ANO1: variants seen among roughly 807,000 people sequenced by gnomAD.
ANO1 encodes anoctamin 1.
Under a neutral mutation model 124.0 loss-of-function variants are expected in ANO1, and 59 were observed. The ratio of observed to expected loss-of-function variants is 0.48; its 90% confidence interval spans 0.39 to 0.59. The LOEUF is 0.59. Among genes scored for constraint, ANO1 ranks in the 20% least tolerant of loss-of-function variants. The pLI, the probability that ANO1 is intolerant of heterozygous loss-of-function variation, is 0.00. For synonymous variants in ANO1, 529 were observed against 532.0 expected (o/e 0.99, Z 0.08); for missense variants, 1,059 against 1,328.0 (o/e 0.80, Z 3.15).
intron 1 of ANO1, among the ~76,000 whole-genome samples, chr11:70,036,638 C>T (rs558987599): frequency 5.3e-5 from 8 of 152,268 alleles, no homozygotes; most frequent in African/African-American, 1.7e-4. Context: ...GACAGAGTCT[C>T]GCTTTGTCGC....
intron 21 of ANO1, among the ~76,000 whole-genome samples, chr11:70,170,664 G>T (rs1353850125): frequency 6.6e-6 from 1 of 152,172 alleles, no homozygotes; most frequent in African/African-American, 2.4e-5. Flanking sequence ...GCAAAATTTG[G>T]AATTCTGCCT....
chr11:70,175,944 A>AGATTTATT (rs902598879), intron 22 of ANO1, among the ~76,000 whole-genome samples: 1 of 152,170 alleles, frequency 6.6e-6, no homozygotes, highest in African/African-American at 2.4e-5. Context: ...ATATTTGAAG[A>AGATTTATT]GATTTATTCT....
intron 1 of ANO1, among the ~76,000 whole-genome samples, chr11:70,025,719 A>ATG: frequency 7.8e-6 from 1 of 128,590 alleles, no homozygotes; most frequent in South Asian, 2.8e-4. Flanking sequence ...GGTGATGATG[A>ATG]TGGTGGTGGT....
intron 10 of ANO1, among the ~76,000 whole-genome samples, chr11:70,128,905 C>T (rs1262199737): frequency 1.3e-5 from 2 of 152,220 alleles, no homozygotes; most frequent in Non-Finnish European, 2.9e-5. Context: ...CATGGGCAGG[C>T]CGTTGGTGTA....
At position 70,105,660 on chromosome 11, in the gene ANO1, C is replaced by G. The variant is rs559580518; in HGVS notation, c.693-74C>G. The G allele has an allele frequency of 2.8e-6, 4 of 1,430,440 alleles. No individual in the cohort carries two copies. In the South Asian group the frequency reaches 4.6e-5, roughly 16 times the overall value. The allele number at this position is 1,430,440 out of a possible 1,614,324, so 88.6% of individuals were successfully genotyped here. On this transcript the variant is annotated intron_variant, in intron 4 of 25. Transcript: ENST00000355303. ...ACGGCTAATGGGGACAGTGTGGTTT[C>G]CCAGGGCCTTGAAACCCAGAGAACT...
intron 1 of ANO1, chr11:70,085,601 G>A (rs1269373690): frequency 3.3e-6 from 5 of 1,535,502 alleles, no homozygotes; most frequent in Admixed American, 3.9e-5. Flanking sequence ...AGGTGCCAGG[G>A]ACATGGCCCC....
chr11:70,134,620 G>A (rs538675811), intron 11 of ANO1, among the ~76,000 whole-genome samples: 129 of 152,320 alleles, frequency 8.5e-4, no homozygotes, highest in African/African-American at 2.9e-3. Context: ...GTGTGCGTGC[G>A]CCTGGTGTGT....
chr11:70,132,863 C>T (rs529685889), intron 11 of ANO1, among the ~76,000 whole-genome samples: 5 of 152,368 alleles, frequency 3.3e-5, no homozygotes, highest in Admixed American at 6.5e-5. Context: ...GGCCCCACGC[C>T]GGGCACTTAA....
chr11:70,111,942 C>T (rs1421341851), intron 7 of ANO1, among the ~76,000 whole-genome samples, 180 bp downstream of exon 7: 4 of 151,928 alleles, frequency 2.6e-5, no homozygotes, highest in Non-Finnish European at 5.9e-5. Context: ...AGAAGTTACA[C>T]ACAGGGCCAT....
At chr11:70,023,745 ACCTTT>A (rs1233002689) in intron 1 of ANO1, among the ~76,000 whole-genome samples, 8 of 152,174 alleles carry the variant, frequency 5.3e-5, no homozygotes, top group Non-Finnish European at 8.8e-5. Flanking sequence ...ATGTTAATGT[ACCTTT>A]CCTTCCCAGC....
chr11:69,995,494 A>G (rs531493242), intron 1 of ANO1, among the ~76,000 whole-genome samples: 1 of 152,150 alleles, frequency 6.6e-6, no homozygotes, highest in Non-Finnish European at 1.5e-5. Flanking sequence ...AGAACACCAC[A>G]GTGCATTTAG....
intron 1 of ANO1, among the ~76,000 whole-genome samples, chr11:70,006,043 A>G (rs1326028853): frequency 1.3e-5 from 2 of 152,184 alleles, no homozygotes; most frequent in African/African-American, 4.8e-5. Context: ...CAGCTAGGCA[A>G]CCAATGACCA....
At chr11:70,124,720 G>A (rs970641439) in intron 9 of ANO1, among the ~76,000 whole-genome samples, 1 of 152,176 alleles carries the variant, frequency 6.6e-6, no homozygotes, top group Non-Finnish European at 1.5e-5. Context: ...GAGACGTGGA[G>A]GGGAAGGAAA....
At position 70,102,939 on chromosome 11, in the gene ANO1, A is replaced by G. The variant is rs549375951; in HGVS notation, c.442-127A>G. The G allele has an allele frequency of 3.2e-5, 21 of 648,922 alleles. No homozygotes were observed. The Admixed American group carries it at 3.7e-4, about 11-fold the overall frequency. 40.2% of individuals were successfully genotyped at this position (648,922 alleles called of 1,614,324 possible). On this transcript the variant is annotated intron_variant, in intron 2 of 25. Transcript: ENST00000355303. ...CTCAAAGTGTTGTCAACGTGGAATG[A>G]GGCCGCGGTAAAAGCAGCCATGCAC...
intron 8 of ANO1, among the ~76,000 whole-genome samples, chr11:70,122,193 G>C (rs1203289134): frequency 5.3e-5 from 5 of 93,700 alleles, no homozygotes; most frequent in Non-Finnish European, 8.1e-5. Context: ...CTGTCTTTCT[G>C]TCTCTCCATC....
intron 8 of ANO1, among the ~76,000 whole-genome samples, chr11:70,123,333 A>C (rs917517332): frequency 1.3e-5 from 2 of 152,118 alleles, no homozygotes; most frequent in Non-Finnish European, 2.9e-5. Context: ...CCGTGGGTAC[A>C]CCTGCACTGT....
intron 7 of ANO1, among the ~76,000 whole-genome samples, chr11:70,112,708 C>G (rs2045834765): frequency 6.6e-6 from 1 of 152,066 alleles, no homozygotes. Context: ...CAGGCGTGCA[C>G]CGCTACACCC....
chr11:69,995,827 C>T (rs1224527608), intron 1 of ANO1, among the ~76,000 whole-genome samples: 3 of 152,182 alleles, frequency 2.0e-5, no homozygotes, highest in Non-Finnish European at 4.4e-5. Context: ...AGATTTCAGG[C>T]CGGGCGCAGT....
intron 11 of ANO1, among the ~76,000 whole-genome samples, chr11:70,132,934 C>A (rs1250750193): frequency 6.9e-6 from 1 of 145,240 alleles, no homozygotes; most frequent in African/African-American, 2.5e-5. Context: ...ACAGAGACAG[C>A]GCTGGAGGGA....
Sources: allele counts gnomAD v4.1 joint callset (sites outside exome capture counted in the v4.1 genomes callset), GRCh38; gene constraint gnomAD v4.1.1; transcripts MANE v1.5; gene names NCBI Gene and HGNC (gene_info 2026-07-23, HGNC 2026-07-21).